TMCC1: variants seen among roughly 807,000 people sequenced by gnomAD.
TMCC1 encodes the protein transmembrane and coiled-coil domain family 1.
TMCC1 carries 15 observed loss-of-function variants against 52.4 expected under a neutral mutation model. The ratio of observed to expected loss-of-function variants is 0.29; its 90% CI spans 0.19 to 0.44. The LOEUF (loss-of-function observed/expected upper bound fraction) is 0.44, where lower values mean the gene tolerates loss of function less well. TMCC1 is among the 20% of genes least tolerant of loss of function. TMCC1 has a pLI of 1.00. For synonymous variants in TMCC1, 279 were observed against 301.9 expected (o/e 0.92, Z 0.79); for missense variants, 503 against 806.0 (o/e 0.62, Z 4.55).
intron 4 of TMCC1, among the ~76,000 whole-genome samples, chr3:129,806,156 T>C (rs941580795): frequency 6.6e-6 from 1 of 152,162 alleles, no homozygotes; most frequent in Non-Finnish European, 1.5e-5. Flanking sequence ...TGAAGTTCTA[T>C]TCTAATACAA....
chr3:129,841,129 G>A (rs1477479338), intron 2 of TMCC1, among the ~76,000 whole-genome samples: 1 of 152,186 alleles, frequency 6.6e-6, no homozygotes, highest in African/African-American at 2.4e-5. Context: ...TTGTGAACTG[G>A]AGCAAAGGTC....
intron 2 of TMCC1, among the ~76,000 whole-genome samples, chr3:129,864,552 G>A (rs1451903906): frequency 5.3e-5 from 8 of 152,156 alleles, no homozygotes; most frequent in African/African-American, 1.9e-4. Context: ...CACTCTGGGA[G>A]GCTGAGGCAG....
chr3:129,801,178 C>A (rs957655342), intron 4 of TMCC1, among the ~76,000 whole-genome samples: 2 of 152,134 alleles, frequency 1.3e-5, no homozygotes, highest in African/African-American at 4.8e-5. Context: ...CTGCCTCGGC[C>A]TCCCAAAGTG....
chr3:129,799,412 C>G (rs1576896155), intron 4 of TMCC1, among the ~76,000 whole-genome samples: 1 of 152,206 alleles, frequency 6.6e-6, no homozygotes, highest in Non-Finnish European at 1.5e-5. Flanking sequence ...GTTGCCTATT[C>G]TGTAATGGTA....
At chr3:129,702,714 T>C (rs1177778204) in intron 4 of TMCC1, among the ~76,000 whole-genome samples, 2 of 152,096 alleles carry the variant, frequency 1.3e-5, no homozygotes, top group South Asian at 2.1e-4. Flanking sequence ...TCAGAAAATA[T>C]GAAGATTGTT....
intron 4 of TMCC1, among the ~76,000 whole-genome samples, chr3:129,761,720 G>A: frequency 6.6e-6 from 1 of 152,142 alleles, no homozygotes; most frequent in East Asian, 1.9e-4. Flanking sequence ...GCTGGATGCA[G>A]TGGCTCACAC....
chr3:129,760,494 G>GTGTGT (rs1491495500), intron 4 of TMCC1, among the ~76,000 whole-genome samples: 2 of 145,088 alleles, frequency 1.4e-5, no homozygotes, highest in South Asian at 2.1e-4. Flanking sequence ...GTGTGTGTGT[G>GTGTGT]TTTTTGAGAC....
chr3:129,779,005 T>G (rs974672871), intron 4 of TMCC1, among the ~76,000 whole-genome samples: 4 of 152,062 alleles, frequency 2.6e-5, no homozygotes, highest in African/African-American at 9.7e-5. Context: ...TTTTTTTTTG[T>G]GGATCTTTTT....
intron 2 of TMCC1, among the ~76,000 whole-genome samples, chr3:129,858,849 T>G (rs577061668): frequency 1.3e-5 from 2 of 152,310 alleles, no homozygotes; most frequent in East Asian, 3.9e-4. Context: ...CCCAACATAT[T>G]TGTTGGAAAA....
At chr3:129,884,839 T>G (rs567471872) in intron 1 of TMCC1, among the ~76,000 whole-genome samples, 4 of 152,166 alleles carry the variant, frequency 2.6e-5, no homozygotes, top group Non-Finnish European at 5.9e-5. Context: ...CGAAAGTCAT[T>G]TACAAATGAG....
chr3:129,671,390 C>T (rs908864010), intron 4 of TMCC1, 126 bp from the exon 5 acceptor site: 8 of 1,021,344 alleles, frequency 7.8e-6, no homozygotes, highest in Non-Finnish European at 9.7e-6. Flanking sequence ...CTATAATTCC[C>T]CCTTGTCCTA....
chr3:129,854,203 C>T (rs1345981974), intron 2 of TMCC1, among the ~76,000 whole-genome samples: 4 of 151,874 alleles, frequency 2.6e-5, no homozygotes, highest in Admixed American at 2.6e-4. Context: ...ACCAGCCTGG[C>T]CAACATGGTG....
At chr3:129,713,133 A>G (rs910238929) in intron 4 of TMCC1, among the ~76,000 whole-genome samples, 4 of 152,138 alleles carry the variant, frequency 2.6e-5, no homozygotes, top group Admixed American at 1.3e-4. Flanking sequence ...GTAGCGGTGC[A>G]CACCTGCAGT....
chr3:129,868,144 A>AC (rs987190814), intron 2 of TMCC1, among the ~76,000 whole-genome samples: 4 of 150,440 alleles, frequency 2.7e-5, no homozygotes, highest in Non-Finnish European at 5.9e-5. Flanking sequence ...AGGGGGGAAA[A>AC]ACCATACAAG....
intron 4 of TMCC1, among the ~76,000 whole-genome samples, chr3:129,799,257 C>T (rs2057035679): frequency 6.6e-6 from 1 of 152,112 alleles, no homozygotes. Flanking sequence ...TTGGGCTCCA[C>T]ATTTCTTTCT....
At position 129,700,345 on chromosome 3, in the gene TMCC1, T is replaced by C. The variant is rs76862798; in HGVS notation, c.577-29081A>G. ...TCAAAATCATCTCTGTCAAAATATT[T>C]TTTCCTCAGTAATACAAACCTAATA... On this transcript the variant is annotated intron_variant, in intron 4 of 6. Transcript: ENST00000393238. Among the ~76,000 whole-genome samples, 687 of 152,344 alleles carry C rather than the reference T, an allele frequency of 4.5e-3. 2 individuals carry two copies. Among genetic ancestry groups the C allele is most frequent in the Non-Finnish European group, 6.6e-3 (447 of 68,032 alleles).
In TMCC1 at chr3:129,774,437, T is replaced by C. The variant is rs144773871; in HGVS notation, c.576+53366A>G. On this transcript the variant is annotated intron_variant, in intron 4 of 6. Transcript: ENST00000393238. The stretch of plus-strand genomic sequence containing the variant: ...CCACAGCTCACCTTCAATAAATGTA[T>C]GTTAAGAATCTAGAAGCTGGAAATA... Among the ~76,000 whole-genome samples, 980 of 152,296 alleles carry C rather than the reference T, an allele frequency of 6.4e-3. 12 individuals are homozygous for C. Among genetic ancestry groups the C allele is most frequent in the Non-Finnish European group, 9.2e-3 (625 of 68,024 alleles).
rs2086306020 is a variant in TMCC1 at position 129,651,306 on chromosome 3, C to G, written c.*175G>C. On this transcript the variant is annotated 3_prime_UTR_variant, in exon 7 of 7. Transcript: ENST00000393238. The surrounding 1 kb of genome is among the most constrained non-coding windows in gnomAD (Gnocchi z 5.1). ...GCCCAAAAAACTTCTTGGATAAAAT[C>G]TAAAAAATACTATTGCAATTGCGTC... 2.3e-5 allele frequency: 17 copies of G among 731,116 alleles called. No individual in the cohort carries two copies. The South Asian group carries it at 3.8e-4, about 16-fold the overall frequency. The allele number at this position is 731,116 out of a possible 1,614,324, so 45.3% of individuals were successfully genotyped here. A position where few individuals can be genotyped will look rare whatever the true frequency, so the allele number is the denominator to read the frequency against.
intron 4 of TMCC1, among the ~76,000 whole-genome samples, chr3:129,687,819 T>C (rs2089514141): frequency 6.6e-6 from 1 of 152,202 alleles, no homozygotes; most frequent in Admixed American, 6.5e-5. Flanking sequence ...GCAACAACTC[T>C]ATAACAGGAG....
Sources: allele counts gnomAD v4.1 joint callset (sites outside exome capture counted in the v4.1 genomes callset), GRCh38; gene constraint gnomAD v4.1.1; non-coding constraint Gnocchi (gnomAD v3.1); transcripts MANE v1.5; gene names NCBI Gene and HGNC (gene_info 2026-07-23, HGNC 2026-07-21).